Variants in EHBP1 observed in about 807,000 individuals in gnomAD.
The protein encoded by EHBP1 is EH domain-binding protein 1.
In EHBP1, 55 loss-of-function variants were observed where a neutral mutation model predicts 144.0. That is an observed-to-expected ratio of 0.38 (90% CI 0.31 to 0.48). The LOEUF (loss-of-function observed/expected upper bound fraction) is 0.48. EHBP1 is among the 20% of genes least tolerant of loss of function. EHBP1 has a pLI of 0.98. For synonymous variants in EHBP1, 469 were observed against 472.7 expected (o/e 0.99, Z 0.10); for missense variants, 1,200 against 1,364.2 (o/e 0.88, Z 1.90).
chr2:62,722,525 A>C (rs2036333829), intron 2 of EHBP1, among the ~76,000 whole-genome samples: 1 of 152,162 alleles, frequency 6.6e-6, no homozygotes, highest in Admixed American at 6.5e-5. Flanking sequence ...CTATAAGCCT[A>C]ATTCAGATTT....
chr2:62,829,374 G>A (rs1423786309), intron 6 of EHBP1, among the ~76,000 whole-genome samples: 7 of 151,496 alleles, frequency 4.6e-5, no homozygotes, highest in Admixed American at 3.3e-4. Flanking sequence ...ACTCTTCCAC[G>A]TAAGTCTCCA....
intron 19 of EHBP1, among the ~76,000 whole-genome samples, chr2:63,036,587 C>G (rs189273896): frequency 6.6e-5 from 10 of 151,770 alleles, no homozygotes; most frequent in Admixed American, 5.3e-4. Flanking sequence ...ACTAGCTTAG[C>G]AAAACAATAA....
At chr2:62,806,699 T>C (rs2044520953) in intron 5 of EHBP1, among the ~76,000 whole-genome samples, 2 of 152,164 alleles carry the variant, frequency 1.3e-5, no homozygotes, top group Admixed American at 6.5e-5. Context: ...TTCTTTCTTT[T>C]CTTAGCTTCT....
At chr2:62,919,786 T>A (rs1004887454) in intron 10 of EHBP1, among the ~76,000 whole-genome samples, 3 of 151,802 alleles carry the variant, frequency 2.0e-5, no homozygotes, top group African/African-American at 7.3e-5. Flanking sequence ...TAAAAAGAGA[T>A]ACCTGAACCA....
intron 5 of EHBP1, among the ~76,000 whole-genome samples, chr2:62,797,514 T>C (rs1203397787): frequency 6.6e-6 from 1 of 152,230 alleles, no homozygotes; most frequent in Non-Finnish European, 1.5e-5. Context: ...TTATCTTTGC[T>C]ACTGTGTTAA....
At position 62,859,221 on chromosome 2, in the gene EHBP1, C is replaced by G. The variant is rs774967239; in HGVS notation, c.687C>G (p.Thr229=). ...ATGAAGCAGAAAAGGACTTGGCCAC[C>G]GTGAATTCAAATCCATTTGATGATC... The part of the protein sequence containing the change: ...FLDEAEKDLA[T]VNSNPFDDPD... Residue 229 remains threonine, a synonymous_variant, in exon 8 of 23, where the codon ACC becomes ACG. Coordinates refer to ENST00000431489, the MANE Select transcript of EHBP1 (RefSeq NM_001142616.3). The G allele has an allele frequency of 6.2e-7, 1 of 1,611,402 alleles. No individual in the cohort carries two copies. Among genetic ancestry groups the G allele is most frequent in the Non-Finnish European group, 8.5e-7 (1 of 1,178,322 alleles).
At chr2:62,865,331 G>T (rs947000318) in intron 9 of EHBP1, among the ~76,000 whole-genome samples, 7 of 152,084 alleles carry the variant, frequency 4.6e-5, no homozygotes, top group Admixed American at 2.0e-4. Context: ...GGTCTGTTGG[G>T]GAGGAGAACA....
At chr2:62,689,881 A>G (rs2033845629) in intron 1 of EHBP1, among the ~76,000 whole-genome samples, 1 of 152,246 alleles carries the variant, frequency 6.6e-6, no homozygotes, top group Non-Finnish European at 1.5e-5. Flanking sequence ...AATAGTTACT[A>G]CTAAAAAGCA....
Position 62,825,958 on chromosome 2 carries a change from T to C in EHBP1, c.313-129T>C, listed in dbSNP as rs554499807. 3 of 573,614 alleles carry C rather than the reference T, an allele frequency of 5.2e-6. No individual in the cohort carries two copies. The East Asian group carries it at 1.0e-4, about 19-fold the overall frequency. 35.5% of individuals were successfully genotyped at this position (573,614 alleles called of 1,614,324 possible). ...TCATTGTAATTTTATTTAGTTATTG[T>C]GTGATAGGAATGTAATAGGAGAAGG... On this transcript the variant is annotated intron_variant, in intron 5 of 22. Coordinates refer to ENST00000431489, the MANE Select transcript of EHBP1 (RefSeq NM_001142616.3).
intron 5 of EHBP1, among the ~76,000 whole-genome samples, chr2:62,822,286 A>T (rs1417542801): frequency 6.6e-6 from 1 of 152,206 alleles, no homozygotes; most frequent in Non-Finnish European, 1.5e-5. Context: ...GAGTCCATAG[A>T]GGTGGAGAAC....
intron 10 of EHBP1, among the ~76,000 whole-genome samples, chr2:62,936,879 A>G (rs905201719): frequency 6.6e-6 from 1 of 152,182 alleles, no homozygotes; most frequent in East Asian, 1.9e-4. Flanking sequence ...GATATATTCA[A>G]AGTTCCCTCA....
At chr2:62,856,717 A>G (rs2049088542) in intron 7 of EHBP1, among the ~76,000 whole-genome samples, 1 of 152,226 alleles carries the variant, frequency 6.6e-6, no homozygotes, top group Admixed American at 6.5e-5. Flanking sequence ...AACAATATGA[A>G]TTACCAAAAT....
Position 63,010,802 on chromosome 2 carries a change from T to C in EHBP1, c.3103+14036T>C, listed in dbSNP as rs547408831. ...TGAACATTATACGTTCATTCCAATATGTCTTAAAATCCTTAGTAGGATTAT... is the reference window on the plus strand; with the variant it reads ...TGAACATTATACGTTCATTCCAATACGTCTTAAAATCCTTAGTAGGATTAT... On this transcript the variant is annotated intron_variant, in intron 19 of 22. Coordinates refer to ENST00000431489, the MANE Select transcript of EHBP1 (RefSeq NM_001142616.3). Among the ~76,000 whole-genome samples, 231 of 151,882 alleles carry C rather than the reference T, an allele frequency of 1.5e-3. 2 individuals are homozygous for C. The highest frequency in any genetic ancestry group is 2.7e-4 in the Non-Finnish European group (18 of 67,708).
chr2:62,914,326 T>C (rs1483736877), intron 10 of EHBP1, among the ~76,000 whole-genome samples: 9 of 152,238 alleles, frequency 5.9e-5, no homozygotes, highest in Middle Eastern at 3.4e-3. Context: ...ATTTTGTTTA[T>C]ATGAATTTTG....
intron 2 of EHBP1, among the ~76,000 whole-genome samples, chr2:62,744,488 A>G (rs1289191886): frequency 6.6e-6 from 1 of 152,144 alleles, no homozygotes; most frequent in Non-Finnish European, 1.5e-5. Flanking sequence ...ATTGAGAAGA[A>G]TAACCCACAG....
chr2:62,927,270 A>G (rs1193657215), intron 10 of EHBP1, among the ~76,000 whole-genome samples: 1 of 152,122 alleles, frequency 6.6e-6, no homozygotes, highest in Admixed American at 6.5e-5. Flanking sequence ...AGATAGGATT[A>G]CTCAATTCTT....
chr2:62,979,366 G>T (rs1181770502), intron 15 of EHBP1, 31 bp downstream of exon 15: 9 of 1,605,756 alleles, frequency 5.6e-6, no homozygotes, highest in Non-Finnish European at 6.0e-6. Flanking sequence ...TCATTCTACA[G>T]ACAACCCAGA....
intron 7 of EHBP1, among the ~76,000 whole-genome samples, chr2:62,836,069 C>T (rs1267436926): frequency 1.3e-5 from 2 of 152,156 alleles, no homozygotes; most frequent in Admixed American, 6.5e-5. Flanking sequence ...ACAGCAGTAT[C>T]CTCTGCAGAC....
At chr2:62,682,691 T>C (rs761181145) in intron 1 of EHBP1, among the ~76,000 whole-genome samples, 1 of 152,206 alleles carries the variant, frequency 6.6e-6, no homozygotes, top group Non-Finnish European at 1.5e-5. Flanking sequence ...AACGAGGTCA[T>C]AAGCCTATAA....
Sources: allele counts gnomAD v4.1 joint callset (sites outside exome capture counted in the v4.1 genomes callset), GRCh38; gene constraint gnomAD v4.1.1; transcripts MANE v1.5; gene names NCBI Gene and HGNC (gene_info 2026-07-23, HGNC 2026-07-21).